The following MYBPC1 variants were observed in gnomAD, a reference collection of about 807,000 sequenced individuals.
MYBPC1 encodes myosin binding protein C1, also known as myosin-binding protein C, slow-type.
MYBPC1 carries 52 observed loss-of-function variants against 147.1 expected under a neutral mutation model. The observed-to-expected ratio is 0.35, with a 90% CI of 0.28 to 0.45. The LOEUF (loss-of-function observed/expected upper bound fraction) is 0.45, where lower values mean the gene tolerates loss of function less well. Ranked by LOEUF, MYBPC1 falls within the 20% of genes least tolerant of loss-of-function variation. The pLI is 1.00. For synonymous variants in MYBPC1, 477 were observed against 475.9 expected (o/e 1.00, Z -0.03); for missense variants, 1,228 against 1,440.3 (o/e 0.85, Z 2.39).
At chr12:101,609,469 G>A (rs1391118454) in intron 1 of MYBPC1, among the ~76,000 whole-genome samples, 1 of 151,776 alleles carries the variant, frequency 6.6e-6, no homozygotes, top group African/African-American at 2.4e-5. Context: ...TTTTTATGAA[G>A]ACAGGATTTC....
In MYBPC1 at chr12:101,661,218, T is replaced by C. The variant is rs1419843680; in HGVS notation, c.1988T>C (p.Met663Thr). ...VTEVGDDWCIMNWEPPAYDGG... is the reference protein window; with the variant it reads ...VTEVGDDWCITNWEPPAYDGG... ...GAGGTGGGAGATGACTGGTGTATCA[T>C]GAACTGGGAGCCTCCTGCCTACGAC... Residue 663 changes from methionine (M) to threonine (T), a missense_variant, in exon 20 of 32, where the codon ATG (methionine) becomes ACG (threonine). By Grantham distance (81) the Met-to-Thr change is moderately conservative. Around this residue, in one of 2 missense-constraint regions of MYBPC1, gnomAD observed 1,077 missense variants for 1,314.2 expected, o/e 0.82. Coordinates refer to ENST00000361466, the MANE Select transcript of MYBPC1 (RefSeq NM_002465.4). 1.9e-6 allele frequency: 3 copies of C among 1,613,960 alleles called. No homozygotes were observed. Among genetic ancestry groups the C allele is most frequent in the Non-Finnish European group, 2.5e-6 (3 of 1,179,962 alleles).
chr12:101,620,525 AGAC>A (rs1565906655), intron 3 of MYBPC1, among the ~76,000 whole-genome samples: 1 of 152,366 alleles, frequency 6.6e-6, no homozygotes, highest in East Asian at 1.9e-4. Flanking sequence ...TTTTGAAAGC[AGAC>A]AAGAGTCACA....
intron 1 of MYBPC1, among the ~76,000 whole-genome samples, chr12:101,597,906 TC>T (rs1284006807): frequency 6.6e-6 from 1 of 152,174 alleles, no homozygotes; most frequent in Non-Finnish European, 1.5e-5. Flanking sequence ...TGTGGGGATC[TC>T]CCAGGATGCC....
chr12:101,616,641 C>G (rs1030394262), intron 2 of MYBPC1, among the ~76,000 whole-genome samples: 4 of 152,120 alleles, frequency 2.6e-5, no homozygotes, highest in African/African-American at 9.7e-5. Flanking sequence ...ATGGTCTCAA[C>G]TGGTAGAATC....
At position 101,644,750 on chromosome 12, in the gene MYBPC1, G is replaced by C; in HGVS notation, c.919G>C (p.Glu307Gln). The stretch of plus-strand genomic sequence containing the variant: ...TGTGGAGCTGGCAGATCCAAAGTTG[G>C]AGGTGAAATGGTATAAAAATGGTCA... Reference protein sequence around the residue: ...FVVELADPKLEVKWYKNGQEI... With the variant: ...FVVELADPKLQVKWYKNGQEI... Residue 307 changes from glutamate (E) to glutamine (Q), a missense_variant, in exon 12 of 32, where the codon GAG (glutamate) becomes CAG (glutamine). Around this residue, in one of 2 missense-constraint regions of MYBPC1, gnomAD observed 1,077 missense variants for 1,314.2 expected, o/e 0.82. Transcript: ENST00000361466. 4 of 1,614,102 alleles carry C rather than the reference G, an allele frequency of 2.5e-6. No homozygotes were observed. Among genetic ancestry groups the C allele is most frequent in the Non-Finnish European group, 3.4e-6 (4 of 1,179,968 alleles).
intron 10 of MYBPC1, among the ~76,000 whole-genome samples, chr12:101,641,387 T>A (rs1288630704): frequency 3.3e-5 from 5 of 152,244 alleles, no homozygotes; most frequent in Non-Finnish European, 7.3e-5. Context: ...CCAATTTGTT[T>A]ATACTAAGCC....
chr12:101,653,376 G>T (rs964375326), intron 18 of MYBPC1, 128 bp downstream of exon 18: 215 of 1,249,930 alleles, frequency 1.7e-4, no homozygotes, highest in Non-Finnish European at 2.3e-4. Context: ...GTACAGTAAA[G>T]ATGTAATTCC....
At chr12:101,640,256 C>T (rs1891769943) in intron 10 of MYBPC1, among the ~76,000 whole-genome samples, 1 of 152,186 alleles carries the variant, frequency 6.6e-6, no homozygotes, top group Non-Finnish European at 1.5e-5. Flanking sequence ...AAGTAATCTT[C>T]CCACCTCAGC....
At chr12:101,686,926 TG>T (rs1951356021), downstream of MYBPC1, among the ~76,000 whole-genome samples, 1 of 152,220 alleles carries the variant, frequency 6.6e-6, no homozygotes, top group Non-Finnish European at 1.5e-5. Context: ...TGGTTGGTGA[TG>T]TTGCCTTACT....
At chr12:101,631,921 A>G in intron 7 of MYBPC1, 100 bp from the exon 8 acceptor site, 2 of 1,310,478 alleles carry the variant, frequency 1.5e-6, no homozygotes, top group African/African-American at 1.4e-5. Flanking sequence ...TAGTGAGAAC[A>G]TTGTACTGGA....
chr12:101,653,057 T>C (rs1894831358), intron 17 of MYBPC1, 58 bp from the exon 18 acceptor site: 12 of 1,580,220 alleles, frequency 7.6e-6, no homozygotes, highest in Admixed American at 3.3e-5. Flanking sequence ...CAAACATTAG[T>C]GCAGATATTT....
chr12:101,655,856 A>G (rs2136352283), intron 18 of MYBPC1, among the ~76,000 whole-genome samples: 1 of 146,602 alleles, frequency 6.8e-6, no homozygotes, highest in East Asian at 2.0e-4. Flanking sequence ...AAAGAGTATA[A>G]AATAAAGAAT....
rs192417590 is a variant in MYBPC1, at chr12:101,659,647, C to T, written c.1768-25C>T. 3.1e-6 allele frequency: 5 copies of T among 1,613,738 alleles called. No homozygotes were observed. In the Admixed American group the frequency reaches 8.3e-5, roughly 27 times the overall value. On this transcript the variant is annotated intron_variant, in intron 18 of 31. Transcript: ENST00000361466. ...GCCCTGTTTATTGTGTAAATCATGC[C>T]ACATTTTGTTTCTCCACTTCTTAGG...
chr12:101,602,917 G>A (rs1042925212), intron 1 of MYBPC1, among the ~76,000 whole-genome samples: 2 of 152,160 alleles, frequency 1.3e-5, no homozygotes, highest in Admixed American at 1.3e-4. Flanking sequence ...AGGTGATAAC[G>A]GTTGGGTTGT....
At chr12:101,629,590 G>A (rs1207760029) in intron 6 of MYBPC1, 46 bp downstream of exon 6, 1 of 1,417,088 alleles carries the variant, frequency 7.1e-7, no homozygotes, top group Admixed American at 1.7e-5. Context: ...AAATTAAGGT[G>A]AGCCGAGCAC....
At chr12:101,670,504 C>A in intron 24 of MYBPC1, 95 bp downstream of exon 24, 1 of 1,077,604 alleles carries the variant, frequency 9.3e-7, no homozygotes, top group Non-Finnish European at 1.4e-6. Flanking sequence ...CATCATGATT[C>A]AGGATTTCCT....
In MYBPC1 at chr12:101,641,841, A is replaced by T. The variant is rs868451217; in HGVS notation, c.666-578A>T. Among the ~76,000 whole-genome samples the T allele has an allele frequency of 6.3e-3, 881 of 139,738 alleles. 6 individuals are homozygous for T. The highest frequency in any genetic ancestry group is 0.021 in the African/African-American group (791 of 37,694). The allele number at this position is 139,738 out of a possible 152,430, so 91.7% of individuals were successfully genotyped here. On this transcript the variant is annotated intron_variant, in intron 10 of 31. Coordinates refer to ENST00000361466, the MANE Select transcript of MYBPC1 (RefSeq NM_002465.4). ...ATGGCAGTTTCAATTTTTTTTTTTTATTTTAAGAAAGGTAAAAAATGGTTC... is the reference window on the plus strand; with the variant it reads ...ATGGCAGTTTCAATTTTTTTTTTTTTTTTTAAGAAAGGTAAAAAATGGTTC...
At chr12:101,595,884 A>G (rs1178391281) in intron 1 of MYBPC1, among the ~76,000 whole-genome samples, 2 of 152,156 alleles carry the variant, frequency 1.3e-5, no homozygotes, top group Non-Finnish European at 2.9e-5. Context: ...TGGTAACAGA[A>G]GTAAATTGGA....
chr12:101,688,281 T>C (rs1185760376), downstream of MYBPC1, among the ~76,000 whole-genome samples: 1 of 152,032 alleles, frequency 6.6e-6, no homozygotes, highest in Non-Finnish European at 1.5e-5. Context: ...TAGTTGGGCG[T>C]GGTGGCACAC....
Sources: gnomAD v4.1 joint callset for allele counts (sites outside exome capture counted in the v4.1 genomes callset) on GRCh38, gnomAD v4.1.1 for gene constraint, gnomAD v4.1.1 regional missense constraint, MANE v1.5 for transcripts, NCBI Gene and HGNC (gene_info 2026-07-23, HGNC 2026-07-21) for gene names.